The following ITGB8 variants were observed in gnomAD, a reference collection of about 807,000 sequenced individuals.
The protein encoded by ITGB8 is integrin beta-8.
A neutral mutation model predicts 89.5 loss-of-function variants in ITGB8; 30 were observed. That is an observed-to-expected ratio of 0.34 (90% CI 0.25 to 0.45). The LOEUF (loss-of-function observed/expected upper bound fraction) is 0.45, where lower values mean the gene tolerates loss of function less well. Ranked by LOEUF, ITGB8 falls within the 20% of genes least tolerant of loss-of-function variation. The probability of loss-of-function intolerance (pLI) is 1.00; values close to 1 mark genes in which losing one functional copy is unlikely to be tolerated. For missense variants in ITGB8, 836 were observed against 933.3 expected, an observed-to-expected ratio of 0.90 and a Z score of 1.36; for synonymous variants, 335 against 320.4, an observed-to-expected ratio of 1.05 and a Z score of -0.49.
chr7:20,393,783 T>C (rs936822572), intron 7 of ITGB8, among the ~76,000 whole-genome samples: 2 of 152,188 alleles, frequency 1.3e-5, no homozygotes, highest in Non-Finnish European at 2.9e-5. Context: ...CTCATTACTT[T>C]ATTAACTCTT....
In ITGB8 at chr7:20,331,901, T is replaced by C; in HGVS notation, c.95T>C (p.Val32Ala). The change falls in exon 1 of 14, where the codon GTG becomes GCG. Residue 32 changes from valine (V) to alanine (A), a missense_variant. Coordinates refer to ENST00000222573, the MANE Select transcript of ITGB8 (RefSeq NM_002214.3). ...GCCTCGTTCCTCTGGGCAGCCTGGG[T>C]GTTTTCACTTGTTCTTGGACTGGGC... ...GPASFLWAAWVFSLVLGLGQG... is the reference protein window; with the variant it reads ...GPASFLWAAWAFSLVLGLGQG... The C allele has an allele frequency of 6.2e-7, 1 of 1,614,118 alleles. No individual in the cohort carries two copies. Among genetic ancestry groups the C allele is most frequent in the Non-Finnish European group, 8.5e-7 (1 of 1,180,022 alleles).
chr7:20,372,210 G>A (rs897053356), intron 3 of ITGB8, among the ~76,000 whole-genome samples: 5 of 151,994 alleles, frequency 3.3e-5, no homozygotes, highest in African/African-American at 9.7e-5. Flanking sequence ...TTTTCTACTG[G>A]TATGTTACAA....
intron 1 of ITGB8, among the ~76,000 whole-genome samples, chr7:20,339,198 A>C (rs1323830071): frequency 6.6e-6 from 1 of 152,076 alleles, no homozygotes; most frequent in Non-Finnish European, 1.5e-5. Context: ...CTCGAAAAAA[A>C]AAAAAAAAAA....
intron 9 of ITGB8, among the ~76,000 whole-genome samples, chr7:20,399,509 G>C (rs577130636): frequency 6.6e-6 from 1 of 150,422 alleles, no homozygotes; most frequent in Middle Eastern, 3.4e-3. Context: ...AAATTATCTA[G>C]AAGGAGGTAG....
At chr7:20,388,601 T>C (rs1252550327) in intron 6 of ITGB8, among the ~76,000 whole-genome samples, 2 of 152,178 alleles carry the variant, frequency 1.3e-5, no homozygotes, top group South Asian at 2.1e-4. Flanking sequence ...TCAAAAAATC[T>C]GTTTTTGTAG....
At chr7:20,366,740 G>A in intron 2 of ITGB8, 1 of 312,054 alleles carries the variant, frequency 3.2e-6, no homozygotes, top group Middle Eastern at 9.8e-4. Context: ...ACTCCAGCCT[G>A]GATCAGGAGG....
At chr7:20,360,138 A>G (rs948109461) in intron 1 of ITGB8, among the ~76,000 whole-genome samples, 3 of 152,196 alleles carry the variant, frequency 2.0e-5, no homozygotes, top group African/African-American at 7.2e-5. Flanking sequence ...GATGGGAACT[A>G]GAACTTTTTA....
chr7:20,381,833 A>G lies in ITGB8; in HGVS notation c.908A>G (p.Asn303Ser), dbSNP rs1472657201. ...DSKLAGIVVPNDGNCHLKNNV... is the reference protein window; with the variant it reads ...DSKLAGIVVPSDGNCHLKNNV... ...AAATTGGCAGGCATAGTGGTGCCCA[A>G]TGACGGAAACTGTCATCTGAAAAAC... The change falls in exon 6 of 14, where the codon AAT (asparagine) becomes AGT (serine). Residue 303 changes from asparagine (N) to serine (S), a missense_variant. Coordinates refer to ENST00000222573, the MANE Select transcript of ITGB8 (RefSeq NM_002214.3). The G allele has an allele frequency of 8.1e-6, 13 of 1,613,878 alleles. No individual in the cohort carries two copies. The highest frequency in any genetic ancestry group is 5.3e-5 in the African/African-American group (4 of 74,924).
At chr7:20,404,007 T>C (rs2074425) in intron 10 of ITGB8, among the ~76,000 whole-genome samples, 16,079 of 152,232 alleles carry the variant, frequency 0.11, 1,112 homozygotes, top group East Asian at 0.43. Context: ...CTTTCTTTCT[T>C]TTTTTCATTT....
At chr7:20,345,521 T>G (rs1175541476) in intron 1 of ITGB8, among the ~76,000 whole-genome samples, 5 of 151,944 alleles carry the variant, frequency 3.3e-5, no homozygotes, top group Admixed American at 1.3e-4. Flanking sequence ...GTAAGCCTCA[T>G]GAAAAAAGAC....
At chr7:20,353,952 A>AAAAG in intron 1 of ITGB8, among the ~76,000 whole-genome samples, 1 of 146,114 alleles carries the variant, frequency 6.8e-6, no homozygotes, top group East Asian at 1.9e-4. Flanking sequence ...AAAAAAAAAA[A>AAAAG]AAAAGAAAAC....
rs758789562 is a variant in ITGB8, at chr7:20,398,906, G to A, written c.1193G>A (p.Gly398Asp). Residue 398 changes from glycine (G) to aspartate (D), a missense_variant, in exon 9 of 14, where the codon GGC becomes GAC. By Grantham distance (94) the Gly-to-Asp change is moderately conservative. This residue lies in a region of ITGB8 where 192 missense variants were observed against 267.1 expected (regional missense o/e 0.72). Coordinates refer to ENST00000222573, the MANE Select transcript of ITGB8 (RefSeq NM_002214.3). ...VKVQVENQVQ[G>D]IYFNITAICP... ...GTTCAGGTGGAAAACCAGGTACAAG[G>A]CATCTATTTTAACATTACCGCCATC... 13 of 1,604,624 alleles carry A rather than the reference G, an allele frequency of 8.1e-6. No homozygotes were observed. Among genetic ancestry groups the A allele is most frequent in the Non-Finnish European group, 8.5e-7 (1 of 1,176,816 alleles).
Position 20,404,682 on chromosome 7 carries a change from A to G in ITGB8, c.1742A>G (p.Asp581Gly), listed in dbSNP as rs764269573. The change falls in exon 11 of 14, where the codon GAT (aspartate) becomes GGT (glycine). Residue 581 changes from aspartate to glycine, a missense_variant. Physicochemically the swap from Asp to Gly is moderately conservative, Grantham distance 94 (BLOSUM62 -1). Transcript: ENST00000222573. ...RCQCFSGWEGDRCQCPSAAAQ... is the reference protein window; with the variant it reads ...RCQCFSGWEGGRCQCPSAAAQ... ...CAATGCTTCAGTGGCTGGGAAGGTG[A>G]TCGATGCCAGTGCCCTTCAGCAGCA... The G allele has an allele frequency of 6.2e-7, 1 of 1,614,048 alleles. No individual in the cohort carries two copies. The highest frequency in any genetic ancestry group is 8.5e-7 in the Non-Finnish European group (1 of 1,179,990).
chr7:20,331,634 G>A lies in ITGB8; in HGVS notation c.-173G>A. On this transcript the variant is annotated 5_prime_UTR_variant, in exon 1 of 14. Transcript: ENST00000222573. ...CAGGGGCCCTGAGATGCCGAGCGGT[G>A]CCCGGGCCCGCTTACCTGCACCGCT... is the stretch of plus-strand genomic sequence containing the variant. The A allele has an allele frequency of 1.5e-6, 1 of 683,646 alleles. No homozygotes were observed. The highest frequency in any genetic ancestry group is 2.2e-6 in the Non-Finnish European group (1 of 456,090). 42.3% of individuals were successfully genotyped at this position (683,646 alleles called of 1,614,324 possible).
Position 20,380,511 on chromosome 7 carries a change from C to T in ITGB8, c.636-155C>T, listed in dbSNP as rs1374751771. 1.6e-5 allele frequency: 10 copies of T among 609,692 alleles called. No individual in the cohort carries two copies. The Admixed American group carries it at 3.2e-4, about 19-fold the overall frequency. 37.8% of individuals were successfully genotyped at this position (609,692 alleles called of 1,614,324 possible). ...AAATTGTCATCAGCATTGAGCTTAT[C>T]TCTAATTTTATAAGCATAGATTTTC... On this transcript the variant is annotated intron_variant, in intron 4 of 13. Transcript: ENST00000222573.
At chr7:20,346,996 T>C (rs902159584) in intron 1 of ITGB8, 4 of 277,646 alleles carry the variant, frequency 1.4e-5, no homozygotes, top group Non-Finnish European at 2.2e-5. Flanking sequence ...GTCATGAAGA[T>C]AGGACCCTGG....
chr7:20,346,653 C>T (rs1784934486), intron 1 of ITGB8: 1 of 970,522 alleles, frequency 1.0e-6, no homozygotes, highest in African/African-American at 1.8e-5. Context: ...GGCGTTGACT[C>T]TACCCCGTTT....
rs1784382469 is a variant in ITGB8 at position 20,331,335 on chromosome 7, G to A, written c.-472G>A. ...GACCTCGCCGGCGTCCCCTCCCACA[G>A]ATCCAGCATCACCCAGTGAATGTAC... On this transcript the variant is annotated 5_prime_UTR_variant, in exon 1 of 14. Transcript: ENST00000222573. 2.6e-6 allele frequency: 1 copy of A among 390,238 alleles called. No individual in the cohort carries two copies. The highest frequency in any genetic ancestry group is 4.5e-5 in the Admixed American group (1 of 22,458). The allele number at this position is 390,238 out of a possible 1,614,324, so 24.2% of individuals were successfully genotyped here. A position where few individuals can be genotyped will look rare whatever the true frequency, so the allele number is the denominator to read the frequency against.
intron 7 of ITGB8, among the ~76,000 whole-genome samples, chr7:20,392,045 T>C (rs1319543842): frequency 6.6e-6 from 1 of 152,140 alleles, no homozygotes; most frequent in African/African-American, 2.4e-5. Context: ...TGGAGTCTTT[T>C]GGGCCAGGTG....
Sources: gnomAD v4.1 joint callset for allele counts (sites outside exome capture counted in the v4.1 genomes callset) on GRCh38, gnomAD v4.1.1 for gene constraint, gnomAD v4.1.1 regional missense constraint, MANE v1.5 for transcripts, NCBI Gene and HGNC (gene_info 2026-07-23, HGNC 2026-07-21) for gene names.